TXNRD3: variants seen among roughly 807,000 people sequenced by gnomAD.
The protein encoded by TXNRD3 is TXNRD3 neighbor gene protein.
In TXNRD3, 68 loss-of-function variants were observed where a neutral mutation model predicts 78.2. That is an observed-to-expected ratio of 0.87 (90% CI 0.72 to 1.06). TXNRD3 has a LOEUF of 1.06. Ranked by LOEUF, TXNRD3 falls within the 50% of genes least tolerant of loss-of-function variation. The pLI is 0.00. For synonymous variants in TXNRD3, 296 were observed against 300.1 expected (o/e 0.99, Z 0.14); for missense variants, 751 against 809.5 (o/e 0.93, Z 0.88).
At chr3:126,633,325 T>C (rs1037548258) in intron 7 of TXNRD3, among the ~76,000 whole-genome samples, 2 of 152,160 alleles carry the variant, frequency 1.3e-5, no homozygotes, top group Non-Finnish European at 2.9e-5. Flanking sequence ...TAATCTAAAA[T>C]CTTGTGAAGA....
intron 1 of TXNRD3, among the ~76,000 whole-genome samples, chr3:126,653,726 A>C: frequency 6.6e-6 from 1 of 152,244 alleles, no homozygotes; most frequent in East Asian, 1.9e-4. Flanking sequence ...AGTCTTTTAT[A>C]AATGCGCTGG....
At chr3:126,637,093 A>G (rs914942599) in intron 6 of TXNRD3, among the ~76,000 whole-genome samples, 2 of 152,254 alleles carry the variant, frequency 1.3e-5, no homozygotes, top group African/African-American at 4.8e-5. Flanking sequence ...TACCTGTAAC[A>G]CTAATGGTAC....
chr3:126,607,976 G>C lies in TXNRD3; in HGVS notation c.1864-3C>G. Reference sequence around the variant, plus strand: ...GTGATTTCCAAAGTCGTGAACACCTGTTCAAGAGAAAGAAAACAAATACAT... The same window carrying C: ...GTGATTTCCAAAGTCGTGAACACCTCTTCAAGAGAAAGAAAACAAATACAT... On this transcript the variant is annotated splice_region_variant and splice_polypyrimidine_tract_variant and intron_variant, in intron 15 of 15. Transcript: ENST00000524230. The C allele has an allele frequency of 6.7e-7, 1 of 1,491,130 alleles. No individual in the cohort carries two copies. The highest frequency in any genetic ancestry group is 1.3e-5 in the South Asian group (1 of 77,512). The allele number at this position is 1,491,130 out of a possible 1,614,324, so 92.4% of individuals were successfully genotyped here.
intron 1 of TXNRD3, 95 bp from the exon 2 acceptor site, chr3:126,647,391 C>T (rs1007947533): frequency 4.3e-6 from 4 of 931,716 alleles, no homozygotes; most frequent in Admixed American, 2.5e-5. Flanking sequence ...AATAAATGTT[C>T]TGGAGGAACA....
At chr3:126,650,022 C>A (rs1465081878) in intron 1 of TXNRD3, among the ~76,000 whole-genome samples, 1 of 152,032 alleles carries the variant, frequency 6.6e-6, no homozygotes, top group Non-Finnish European at 1.5e-5. Flanking sequence ...AATTTTATCA[C>A]AATATTTTTA....
chr3:126,651,334 A>G (rs554906935), intron 1 of TXNRD3, among the ~76,000 whole-genome samples: 13 of 152,346 alleles, frequency 8.5e-5, no homozygotes, highest in Admixed American at 2.0e-4. Flanking sequence ...GCTCACCTCC[A>G]AGAATGAATA....
At chr3:126,634,205 T>C (rs770820275) in intron 6 of TXNRD3, among the ~76,000 whole-genome samples, 154 bp from the exon 7 acceptor site, 2 of 152,254 alleles carry the variant, frequency 1.3e-5, no homozygotes, top group Non-Finnish European at 2.9e-5. Context: ...CCATAGTTTA[T>C]ACTCTTCCTA....
chr3:126,619,219 C>T (rs1302291907), intron 12 of TXNRD3, among the ~76,000 whole-genome samples: 1 of 151,962 alleles, frequency 6.6e-6, no homozygotes, highest in Non-Finnish European at 1.5e-5. Context: ...TAATATTTAT[C>T]GAAAGGAAAG....
Position 126,608,560 on chromosome 3 carries a change from T to G in TXNRD3, c.1802A>C (p.Lys601Thr). Residue 601 changes from lysine (K) to threonine (T), a missense_variant, in exon 15 of 16, where the codon AAA becomes ACA. Lys to Thr is a moderately conservative substitution (Grantham distance 78). Coordinates refer to ENST00000524230, the MANE Select transcript of TXNRD3 (RefSeq NM_052883.3). Reference sequence around the variant, plus strand: ...AAGTAGCTGTTTTGTGAGCCCACATTTCATTGCAGCTGCAAATCCTTGGGT... The same window carrying G: ...AAGTAGCTGTTTTGTGAGCCCACATGTCATTGCAGCTGCAAATCCTTGGGT... 6.5e-7 allele frequency: 1 copy of G among 1,535,994 alleles called. No homozygotes were observed. The highest frequency in any genetic ancestry group is 8.7e-7 in the Non-Finnish European group (1 of 1,146,860).
intron 13 of TXNRD3, among the ~76,000 whole-genome samples, chr3:126,612,179 A>C (rs1271828259): frequency 6.6e-6 from 1 of 152,060 alleles, no homozygotes; most frequent in African/African-American, 2.4e-5. Flanking sequence ...CTGGGACTAC[A>C]GGTGCGCATC....
At chr3:126,648,465 T>C (rs1262331942) in intron 1 of TXNRD3, among the ~76,000 whole-genome samples, 1 of 152,108 alleles carries the variant, frequency 6.6e-6, no homozygotes, top group Non-Finnish European at 1.5e-5. Flanking sequence ...GATACAGTAA[T>C]CAAAACAGTG....
intron 1 of TXNRD3, among the ~76,000 whole-genome samples, chr3:126,652,219 C>A (rs1933408426): frequency 6.6e-6 from 1 of 152,092 alleles, no homozygotes; most frequent in Non-Finnish European, 1.5e-5. Flanking sequence ...ATGGCCAGGG[C>A]AGGAGCAAGA....
chr3:126,625,576 C>T (rs913315807), intron 10 of TXNRD3, among the ~76,000 whole-genome samples: 1 of 151,828 alleles, frequency 6.6e-6, no homozygotes, highest in Non-Finnish European at 1.5e-5. Context: ...TGGGTTGGTT[C>T]CAAGTCTTTG....
At chr3:126,643,413 G>A (rs1329879331) in intron 5 of TXNRD3, among the ~76,000 whole-genome samples, 1 of 152,196 alleles carries the variant, frequency 6.6e-6, no homozygotes, top group African/African-American at 2.4e-5. Flanking sequence ...TGGTCTCCTT[G>A]TTAAGCTAAA....
intron 12 of TXNRD3, among the ~76,000 whole-genome samples, chr3:126,617,656 A>C (rs968513918): frequency 6.6e-6 from 1 of 152,262 alleles, no homozygotes; most frequent in Non-Finnish European, 1.5e-5. Flanking sequence ...GTCAGAGTTA[A>C]GAACTGGAGC....
chr3:126,631,725 T>C, intron 8 of TXNRD3, 39 bp downstream of exon 8: 1 of 1,229,634 alleles, frequency 8.1e-7, no homozygotes, highest in East Asian at 2.5e-5. Flanking sequence ...ATAATTCAAT[T>C]TATTAACATT....
At chr3:126,637,932 C>CTTTTTTTTTTTTT (rs71615916) in intron 6 of TXNRD3, among the ~76,000 whole-genome samples, 4 of 60,232 alleles carry the variant, frequency 6.6e-5, no homozygotes, top group East Asian at 6.9e-4. Flanking sequence ...ATTTCTCTCT[C>CTTTTTTTTTTTTT]TTTTTTTTTT....
At chr3:126,639,043 A>C (rs1170453912) in intron 6 of TXNRD3, among the ~76,000 whole-genome samples, 3 of 152,184 alleles carry the variant, frequency 2.0e-5, no homozygotes, top group African/African-American at 7.2e-5. Flanking sequence ...CTGTGTCTCC[A>C]ACACAGAGTG....
chr3:126,619,974 G>A (rs952113786), intron 12 of TXNRD3, among the ~76,000 whole-genome samples: 4 of 152,072 alleles, frequency 2.6e-5, no homozygotes, highest in African/African-American at 9.7e-5. Flanking sequence ...CGTCAAAAGA[G>A]CCACATGTAC....
Sources: allele counts gnomAD v4.1 joint callset (sites outside exome capture counted in the v4.1 genomes callset), GRCh38; gene constraint gnomAD v4.1.1; transcripts MANE v1.5; gene names NCBI Gene and HGNC (gene_info 2026-07-23, HGNC 2026-07-21).